SLC43A1: variants seen among roughly 807,000 people sequenced by gnomAD.
SLC43A1 encodes the protein solute carrier family 43 member 1, also known as large neutral amino acids transporter small subunit 3.
Under a neutral mutation model 59.5 loss-of-function variants are expected in SLC43A1, and 31 were observed. The observed-to-expected ratio is 0.52, with a 90% CI of 0.39 to 0.70. The LOEUF is 0.70. SLC43A1 is among the 30% of genes least tolerant of loss of function. The probability of loss-of-function intolerance (pLI) is 0.00; values close to 1 mark genes in which losing one functional copy is unlikely to be tolerated. For synonymous variants in SLC43A1, 259 were observed against 290.9 expected (o/e 0.89, Z 1.12); for missense variants, 598 against 717.8 (o/e 0.83, Z 1.91).
At chr11:57,501,816 A>G (rs968029219) in intron 2 of SLC43A1, among the ~76,000 whole-genome samples, 4 of 152,342 alleles carry the variant, frequency 2.6e-5, no homozygotes, top group South Asian at 4.1e-4. Context: ...CCTGGGCAAC[A>G]TGGTAAAACC....
At chr11:57,511,940 A>G (rs1473457270) in intron 2 of SLC43A1, among the ~76,000 whole-genome samples, 1 of 152,128 alleles carries the variant, frequency 6.6e-6, no homozygotes, top group Non-Finnish European at 1.5e-5. Flanking sequence ...GAGTACTGCT[A>G]ATGGTACAGA....
At chr11:57,505,670 T>A (rs886613188) in intron 2 of SLC43A1, among the ~76,000 whole-genome samples, 6 of 152,180 alleles carry the variant, frequency 3.9e-5, no homozygotes, top group South Asian at 4.1e-4. Flanking sequence ...TGAAGCTATT[T>A]TTTTTTAAGC....
intron 2 of SLC43A1, among the ~76,000 whole-genome samples, chr11:57,503,359 G>A (rs1450402281): frequency 3.4e-5 from 5 of 148,800 alleles, no homozygotes; most frequent in African/African-American, 1.0e-4. Flanking sequence ...GAGTGCAGTG[G>A]TGCAATTATA....
At chr11:57,498,180 C>G (rs949020602) in intron 5 of SLC43A1, among the ~76,000 whole-genome samples, 2 of 152,162 alleles carry the variant, frequency 1.3e-5, no homozygotes, top group Non-Finnish European at 2.9e-5. Context: ...GTGGCTCATG[C>G]CTGTAATCCC....
intron 2 of SLC43A1, among the ~76,000 whole-genome samples, chr11:57,509,148 G>C (rs1944463788): frequency 6.6e-6 from 1 of 151,792 alleles, no homozygotes; most frequent in Non-Finnish European, 1.5e-5. Context: ...ATTCACTTTG[G>C]TCACCTCTAG....
chr11:57,502,876 A>C (rs1343088213), intron 2 of SLC43A1, among the ~76,000 whole-genome samples: 1 of 150,246 alleles, frequency 6.7e-6, no homozygotes, highest in Non-Finnish European at 1.5e-5. Context: ...CCTGTCTCAA[A>C]AAAAAAAAAA....
At position 57,514,807 on chromosome 11, in the gene SLC43A1, T is replaced by C. The variant is rs1037773525; in HGVS notation, c.-14+637A>G. 61 of 985,302 alleles carry C rather than the reference T, an allele frequency of 6.2e-5. No individual in the cohort carries two copies. The highest frequency in any genetic ancestry group is 7.3e-5 in the Non-Finnish European group (61 of 829,984). 61.0% of individuals were successfully genotyped at this position (985,302 alleles called of 1,614,324 possible). On this transcript the variant is annotated intron_variant, in intron 1 of 14. Transcript: ENST00000278426. This position sits in a 1 kb window ranked among gnomAD's most constrained non-coding sequence, Gnocchi z 5.5. ...CCGCAGGGCTCGGGGCACCAGGCTT[T>C]GCACCTCGGAACCCGCTTGCCCCCC...
intron 5 of SLC43A1, 25 bp downstream of exon 5, chr11:57,500,754 G>T: frequency 2.5e-6 from 4 of 1,610,976 alleles, no homozygotes; most frequent in Non-Finnish European, 3.4e-6. Flanking sequence ...GAACTCTGCT[G>T]CCAGGCCAGG....
intron 12 of SLC43A1, 84 bp from the exon 13 acceptor site, chr11:57,489,073 G>A: frequency 1.4e-6 from 2 of 1,463,646 alleles, no homozygotes; most frequent in Non-Finnish European, 1.9e-6. Context: ...AGGCCAACTG[G>A]GCCTCAATTC....
chr11:57,512,470 G>A (rs1944573029), intron 2 of SLC43A1, among the ~76,000 whole-genome samples: 2 of 151,872 alleles, frequency 1.3e-5, no homozygotes, highest in Non-Finnish European at 1.5e-5. Context: ...CGTGAACCCA[G>A]GGGGAGAAGG....
intron 2 of SLC43A1, among the ~76,000 whole-genome samples, chr11:57,511,659 G>T (rs1262569061): frequency 2.0e-5 from 3 of 152,100 alleles, no homozygotes; most frequent in African/African-American, 7.2e-5. Flanking sequence ...TCCATCAACT[G>T]ACAAATGGAT....
Position 57,494,097 on chromosome 11 carries a change from G to T in SLC43A1, c.767C>A (p.Thr256Asn), listed in dbSNP as rs1944009346. 6.2e-7 allele frequency: 1 copy of T among 1,611,480 alleles called. No individual in the cohort carries two copies. The highest frequency in any genetic ancestry group is 1.1e-5 in the South Asian group (1 of 90,646). Residue 256 changes from threonine (T) to asparagine (N), a missense_variant, in exon 8 of 15, where the codon ACC becomes AAC. By Grantham distance (65) the Thr-to-Asn change is moderately conservative. Coordinates refer to ENST00000278426, the MANE Select transcript of SLC43A1 (RefSeq NM_003627.6). ...CTTCTGGCTGAGCCTCTGGCCCATG[G>T]TGGTCACATGGGTGTAGAAGAGGTC... ...TGDLFYTHVT[T>N]MGQRLSQKAP...
At chr11:57,512,163 G>A (rs575707582) in intron 2 of SLC43A1, among the ~76,000 whole-genome samples, 2 of 152,296 alleles carry the variant, frequency 1.3e-5, no homozygotes, top group South Asian at 4.1e-4. Context: ...AGTTTGAGGA[G>A]GTTCTAAATA....
chr11:57,487,051 A>G (rs747500017), intron 14 of SLC43A1, 44 bp downstream of exon 14: 5 of 1,603,486 alleles, frequency 3.1e-6, no homozygotes, highest in Non-Finnish European at 4.3e-6. Flanking sequence ...CCCTGCCCCC[A>G]GGAGAGTGGC....
At position 57,514,967 on chromosome 11, in the gene SLC43A1, C is replaced by T. The variant is rs913725893; in HGVS notation, c.-14+477G>A. ...GGGAAAGAGCCCCAGCTCCCCCCGC[C>T]GCGGCCGCTGCAGCCTCGGCGGGAG... is the stretch of plus-strand genomic sequence containing the variant. On this transcript the variant is annotated intron_variant, in intron 1 of 14. Transcript: ENST00000278426. The surrounding 1 kb of genome is among the most constrained non-coding windows in gnomAD (Gnocchi z 5.5). 8 of 975,188 alleles carry T rather than the reference C, an allele frequency of 8.2e-6. No homozygotes were observed. In the African/African-American group the frequency reaches 1.4e-4, roughly 17 times the overall value. The allele number at this position is 975,188 out of a possible 1,614,324, so 60.4% of individuals were successfully genotyped here.
chr11:57,514,192 T>TG lies in SLC43A1; in HGVS notation c.-13-69dup, dbSNP rs1484476163. 1.4e-6 allele frequency: 2 copies of TG among 1,472,162 alleles called. No homozygotes were observed. Among genetic ancestry groups the TG allele is most frequent in the African/African-American group, 2.8e-5 (2 of 70,434 alleles). The allele number at this position is 1,472,162 out of a possible 1,614,324, so 91.2% of individuals were successfully genotyped here. Reference sequence around the variant, plus strand: ...CCCAGGGAAGGGTCCTGCATCATGGTGGCACCCGAGACCTCTCGGGCCAGC... The same window carrying TG: ...CCCAGGGAAGGGTCCTGCATCATGGTGGGCACCCGAGACCTCTCGGGCCAGC... On this transcript the variant is annotated intron_variant, in intron 1 of 14. Coordinates refer to ENST00000278426, the MANE Select transcript of SLC43A1 (RefSeq NM_003627.6). This position sits in a 1 kb window ranked among gnomAD's most constrained non-coding sequence, Gnocchi z 5.5.
chr11:57,488,143 C>G (rs2135145248), intron 13 of SLC43A1, among the ~76,000 whole-genome samples: 1 of 152,200 alleles, frequency 6.6e-6, no homozygotes, highest in Non-Finnish European at 1.5e-5. Context: ...GACAGCGGGG[C>G]CAGGGCAGAT....
chr11:57,485,221 A>G lies in SLC43A1; in HGVS notation c.1555T>C (p.Phe519Leu). 2.5e-6 allele frequency: 4 copies of G among 1,613,548 alleles called. No homozygotes were observed. Among genetic ancestry groups the G allele is most frequent in the Non-Finnish European group, 3.4e-6 (4 of 1,179,738 alleles). The change falls in exon 15 of 15, where the codon TTC becomes CTC. Residue 519 changes from phenylalanine (F) to leucine (L), a missense_variant. Transcript: ENST00000278426. ...GGCAACAGGAATCCCAGGAGTGAGA[A>G]TAGCAGGAGGCCCAGATTCACCTTT... Reference protein sequence around the residue: ...PFWVNLGLLLFSLLGFLLPSY... With the variant: ...PFWVNLGLLLLSLLGFLLPSY...
intron 5 of SLC43A1, among the ~76,000 whole-genome samples, chr11:57,500,350 A>G (rs1404692634): frequency 6.6e-6 from 1 of 152,168 alleles, no homozygotes; most frequent in Non-Finnish European, 1.5e-5. Context: ...CCCCCTCAAG[A>G]TCATGTTACC....
Sources: allele counts gnomAD v4.1 joint callset (sites outside exome capture counted in the v4.1 genomes callset), GRCh38; gene constraint gnomAD v4.1.1; non-coding constraint Gnocchi (gnomAD v3.1); transcripts MANE v1.5; gene names NCBI Gene and HGNC (gene_info 2026-07-23, HGNC 2026-07-21).